IGSF21: variants seen among roughly 807,000 people sequenced by gnomAD.
The protein encoded by IGSF21 is immunoglobin superfamily member 21.
Under a neutral mutation model 46.8 loss-of-function variants are expected in IGSF21, and 28 were observed. That is an observed-to-expected ratio of 0.60 (90% CI 0.44 to 0.82). IGSF21 has a LOEUF of 0.82. Ranked by LOEUF, IGSF21 falls within the 40% of genes least tolerant of loss-of-function variation. The pLI, the probability that IGSF21 is intolerant of heterozygous loss-of-function variation, is 0.00. For synonymous variants in IGSF21, 284 were observed against 273.6 expected (o/e 1.04, Z -0.38); for missense variants, 624 against 665.5 (o/e 0.94, Z 0.69).
At chr1:18,112,265 C>T (rs549096582) in intron 1 of IGSF21, 9 of 152,332 alleles carry the variant, frequency 5.9e-5, no homozygotes, top group African/African-American at 1.9e-4. Flanking sequence ...CCAACAAATG[C>T]TTATTGTACA....
chr1:18,150,897 C>G (rs545331117), intron 1 of IGSF21, among the ~76,000 whole-genome samples: 1 of 152,316 alleles, frequency 6.6e-6, no homozygotes, highest in African/African-American at 2.4e-5. Flanking sequence ...ATGGGGCGGC[C>G]CTAGCCCCAA....
chr1:18,131,918 G>T (rs972740677), intron 1 of IGSF21, among the ~76,000 whole-genome samples: 1 of 152,174 alleles, frequency 6.6e-6, no homozygotes, highest in Non-Finnish European at 1.5e-5. Context: ...GTAGGGGTGG[G>T]GGTTGAGGGG....
intron 1 of IGSF21, among the ~76,000 whole-genome samples, chr1:18,127,278 G>A (rs2086282100): frequency 6.6e-6 from 1 of 152,212 alleles, no homozygotes; most frequent in Non-Finnish European, 1.5e-5. Context: ...TGGCTGTGGA[G>A]CTATGTGAGG....
intron 1 of IGSF21, among the ~76,000 whole-genome samples, chr1:18,226,178 C>T (rs2084564442): frequency 6.6e-6 from 1 of 152,228 alleles, no homozygotes; most frequent in African/African-American, 2.4e-5. Flanking sequence ...TGTCATGCCC[C>T]ATGGCTGGGA....
At chr1:18,240,922 G>C (rs1407445273) in intron 2 of IGSF21, among the ~76,000 whole-genome samples, 1 of 152,240 alleles carries the variant, frequency 6.6e-6, no homozygotes, top group African/African-American at 2.4e-5. Flanking sequence ...CAAGGGGTAA[G>C]AAGCAGAGTG....
chr1:18,302,198 T>C (rs569422503), intron 3 of IGSF21, among the ~76,000 whole-genome samples: 1 of 152,268 alleles, frequency 6.6e-6, no homozygotes, highest in Non-Finnish European at 1.5e-5. Context: ...AATGCTCAGC[T>C]TGACGCAGCA....
Position 18,365,608 on chromosome 1 carries a change from T to C in IGSF21, c.926T>C (p.Leu309Pro). The stretch of plus-strand genomic sequence containing the variant: ...GTACGTGCCCTGCTCACCTGGACCC[T>C]CAACCCACAGATCGACAACGAGGCC... ...VEVRALLTWT[L>P]NPQIDNEALF... is the part of the protein sequence containing the mutation. Residue 309 changes from leucine to proline, a missense_variant, in exon 6 of 10, where the codon CTC becomes CCC. Physicochemically the swap from Leu to Pro is moderately conservative, Grantham distance 98. Coordinates refer to ENST00000251296, the MANE Select transcript of IGSF21 (RefSeq NM_032880.5). This position sits in a 1 kb window ranked among gnomAD's most constrained non-coding sequence, Gnocchi z 4.8. 1.9e-6 allele frequency: 3 copies of C among 1,614,162 alleles called. No individual in the cohort carries two copies. The highest frequency in any genetic ancestry group is 2.5e-6 in the Non-Finnish European group (3 of 1,180,040).
intron 1 of IGSF21, among the ~76,000 whole-genome samples, chr1:18,220,588 T>C (rs964885437): frequency 5.3e-5 from 8 of 152,210 alleles, no homozygotes; most frequent in Admixed American, 3.9e-4. Flanking sequence ...GTTCATGGCC[T>C]GTGTTGAGGT....
chr1:18,248,013 G>A (rs2124524079), intron 2 of IGSF21, among the ~76,000 whole-genome samples: 1 of 152,292 alleles, frequency 6.6e-6, no homozygotes, highest in South Asian at 2.1e-4. Context: ...ATAGGTGTGA[G>A]CACTCCAGTT....
chr1:18,355,891 A>AATGG (rs2086012202), intron 4 of IGSF21, among the ~76,000 whole-genome samples: 1 of 140,976 alleles, frequency 7.1e-6, no homozygotes, highest in South Asian at 2.2e-4. Flanking sequence ...GCTGCAGTGC[A>AATGG]ATGGCACAGT....
At chr1:18,209,284 A>G (rs2084365368) in intron 1 of IGSF21, among the ~76,000 whole-genome samples, 1 of 152,178 alleles carries the variant, frequency 6.6e-6, no homozygotes, top group Admixed American at 6.5e-5. Context: ...CTTAATAGAT[A>G]AAAAGACTGA....
intron 2 of IGSF21, among the ~76,000 whole-genome samples, chr1:18,228,866 C>T (rs947159928): frequency 1.7e-4 from 26 of 152,194 alleles, no homozygotes; most frequent in Non-Finnish European, 3.4e-4. Context: ...CACAGTTACT[C>T]AACTCTGCTG....
At chr1:18,343,428 G>A (rs2085862725) in intron 4 of IGSF21, among the ~76,000 whole-genome samples, 1 of 152,036 alleles carries the variant, frequency 6.6e-6, no homozygotes, top group Non-Finnish European at 1.5e-5. Context: ...GTCCTTTGAA[G>A]GACAAAATGT....
chr1:18,188,634 C>T (rs942089594), intron 1 of IGSF21, among the ~76,000 whole-genome samples: 2 of 152,072 alleles, frequency 1.3e-5, no homozygotes, highest in Non-Finnish European at 2.9e-5. Context: ...ACTGGGTAAC[C>T]TGGTGCTGGT....
chr1:18,321,048 A>G (rs750371627), intron 3 of IGSF21, among the ~76,000 whole-genome samples: 12 of 152,226 alleles, frequency 7.9e-5, no homozygotes, highest in Non-Finnish European at 1.6e-4. Flanking sequence ...GGGGTCAAGC[A>G]CCATCTCTTT....
chr1:18,178,799 C>A (rs566066170), intron 1 of IGSF21, among the ~76,000 whole-genome samples: 54 of 151,802 alleles, frequency 3.6e-4, no homozygotes, highest in South Asian at 6.3e-4. Flanking sequence ...GAGGACGGGT[C>A]TGTGCCTGTT....
chr1:18,333,303 T>C (rs544769030), intron 3 of IGSF21, among the ~76,000 whole-genome samples: 26 of 152,196 alleles, frequency 1.7e-4, no homozygotes, highest in Non-Finnish European at 2.6e-4. Flanking sequence ...GGAACTCGCA[T>C]GAAGACAGAC....
At chr1:18,117,260 G>A (rs895000387) in intron 1 of IGSF21, among the ~76,000 whole-genome samples, 1 of 152,226 alleles carries the variant, frequency 6.6e-6, no homozygotes, top group Admixed American at 6.5e-5. Context: ...GACCCAGTGA[G>A]GAGGGAAAGC....
chr1:18,235,884 G>T (rs548229116), intron 2 of IGSF21, among the ~76,000 whole-genome samples: 1 of 152,280 alleles, frequency 6.6e-6, no homozygotes, highest in Non-Finnish European at 1.5e-5. Flanking sequence ...AGGCAACAGT[G>T]GTTTGGTTGA....
Sources: allele counts gnomAD v4.1 joint callset (sites outside exome capture counted in the v4.1 genomes callset), GRCh38; gene constraint gnomAD v4.1.1; non-coding constraint Gnocchi (gnomAD v3.1); transcripts MANE v1.5; gene names NCBI Gene and HGNC (gene_info 2026-07-23, HGNC 2026-07-21).